Variants in CALN1 observed in about 807,000 individuals in gnomAD.
CALN1 encodes the protein calneuron 1, also known as calcium-binding protein 8.
In CALN1, 17 loss-of-function variants were observed where a neutral mutation model predicts 30.6. The observed-to-expected ratio is 0.56, with a 90% confidence interval of 0.38 to 0.83. The LOEUF is 0.83. Among genes scored for constraint, CALN1 ranks in the 40% least tolerant of loss-of-function variants. CALN1 has a pLI of 0.00. For missense variants in CALN1, 291 were observed against 354.9 expected (o/e 0.82, Z 1.45); for synonymous variants, 156 against 131.4 (o/e 1.19, Z -1.28).
At chr7:72,285,867 A>G (rs1317593572) in intron 2 of CALN1, among the ~76,000 whole-genome samples, 1 of 152,220 alleles carries the variant, frequency 6.6e-6, no homozygotes, top group Non-Finnish European at 1.5e-5. Flanking sequence ...CAGACTTGAC[A>G]GCAATCCGTG....
intron 1 of CALN1, among the ~76,000 whole-genome samples, chr7:72,410,304 T>G (rs1807034395): frequency 6.6e-6 from 1 of 152,234 alleles, no homozygotes; most frequent in Non-Finnish European, 1.5e-5. Flanking sequence ...AGGTGATTGT[T>G]GGCCATCATT....
At chr7:72,018,597 T>C (rs928978562) in intron 5 of CALN1, among the ~76,000 whole-genome samples, 33 of 152,244 alleles carry the variant, frequency 2.2e-4, no homozygotes, top group Admixed American at 1.7e-3. Context: ...CCGGGAGGAC[T>C]GGAGACCCTG....
intron 4 of CALN1, among the ~76,000 whole-genome samples, chr7:72,036,273 CTCTTTG>C (rs546540041): frequency 2.6e-5 from 4 of 152,280 alleles, no homozygotes; most frequent in African/African-American, 4.8e-5. Flanking sequence ...TACAAAGATT[CTCTTTG>C]TCTTTGTCTT....
chr7:72,256,994 A>C (rs539506677), intron 3 of CALN1, among the ~76,000 whole-genome samples: 166 of 152,172 alleles, frequency 1.1e-3, no homozygotes, highest in Non-Finnish European at 1.8e-3. Flanking sequence ...TGCTATAAAG[A>C]CACTACCCAA....
chr7:72,027,484 G>A (rs1161707558), intron 4 of CALN1, among the ~76,000 whole-genome samples: 1 of 152,074 alleles, frequency 6.6e-6, no homozygotes, highest in African/African-American at 2.4e-5. Flanking sequence ...GCCGAGGAGG[G>A]TGGATCACTT....
intron 5 of CALN1, among the ~76,000 whole-genome samples, chr7:72,021,941 G>A (rs1562983762): frequency 2.6e-5 from 4 of 152,058 alleles, no homozygotes; most frequent in African/African-American, 9.7e-5. Context: ...AGCAAGTTGG[G>A]AACTCTGGAA....
intron 2 of CALN1, among the ~76,000 whole-genome samples, chr7:72,296,442 C>T (rs1798864448): frequency 6.6e-6 from 1 of 150,864 alleles, no homozygotes; most frequent in South Asian, 2.1e-4. Context: ...GGAATGGTAC[C>T]AGTTCCTCCT....
chr7:72,040,667 C>A (rs577815892), intron 4 of CALN1, among the ~76,000 whole-genome samples: 3 of 152,214 alleles, frequency 2.0e-5, no homozygotes, highest in African/African-American at 7.2e-5. Flanking sequence ...TGCACACATG[C>A]GCAGAGAAAA....
chr7:72,368,367 G>C (rs529515795), intron 2 of CALN1, among the ~76,000 whole-genome samples: 134 of 151,856 alleles, frequency 8.8e-4, no homozygotes, highest in Non-Finnish European at 1.7e-3. Context: ...TACATGCACA[G>C]AAAGCACATA....
the CALN1 span, among the ~76,000 whole-genome samples, chr7:72,467,181 C>G: frequency 1.3e-5 from 2 of 152,180 alleles, no homozygotes; most frequent in African/African-American, 4.8e-5. Context: ...AATATGAGTC[C>G]CGAGAGCTCT....
intron 2 of CALN1, among the ~76,000 whole-genome samples, chr7:72,383,783 C>A (rs1452000855): frequency 1.3e-5 from 2 of 152,146 alleles, no homozygotes; most frequent in South Asian, 4.1e-4. Flanking sequence ...TTTTCCAATC[C>A]ATAGTGCAGC....
At chr7:72,074,085 C>T (rs1804575456) in intron 4 of CALN1, among the ~76,000 whole-genome samples, 1 of 151,998 alleles carries the variant, frequency 6.6e-6, no homozygotes, top group East Asian at 1.9e-4. Flanking sequence ...AGGTCTCTGC[C>T]CTGAAGAAAC....
At chr7:72,044,599 C>CTTTTTTTTTTTTTTTTT (rs549079139) in intron 4 of CALN1, among the ~76,000 whole-genome samples, 3 of 96,692 alleles carry the variant, frequency 3.1e-5, no homozygotes, top group African/African-American at 1.2e-4. Flanking sequence ...CCGCTTAAAA[C>CTTTTTTTTTTTTTTTTT]TTTTTTTTTT....
chr7:71,946,312 A>G (rs1584577488), intron 5 of CALN1, among the ~76,000 whole-genome samples: 2 of 152,062 alleles, frequency 1.3e-5, no homozygotes, highest in South Asian at 2.1e-4. Flanking sequence ...TGACAATAAT[A>G]ATGGTAGCCT....
chr7:71,847,757 A>AAAGAAGAAGAAGAAGAAAG (rs1790372097), intron 5 of CALN1, among the ~76,000 whole-genome samples: 1 of 125,104 alleles, frequency 8.0e-6, no homozygotes, highest in Non-Finnish European at 1.8e-5. Context: ...AAGAAAGAAG[A>AAAGAAGAAGAAGAAGAAAG]AAGAAGAAGA....
intron 4 of CALN1, among the ~76,000 whole-genome samples, chr7:72,042,372 C>A (rs1443692635): frequency 1.3e-5 from 2 of 152,186 alleles, no homozygotes; most frequent in Non-Finnish European, 2.9e-5. Context: ...GGGGCAAAAT[C>A]TAGAGGAAAC....
intron 6 of CALN1, among the ~76,000 whole-genome samples, chr7:71,800,962 C>T (rs1787263077): frequency 6.6e-6 from 1 of 152,094 alleles, no homozygotes; most frequent in Admixed American, 6.6e-5. Flanking sequence ...TGATGCTCTC[C>T]CTCCCATTGC....
chr7:72,131,810 C>T (rs370151424), intron 3 of CALN1, among the ~76,000 whole-genome samples: 1 of 152,180 alleles, frequency 6.6e-6, no homozygotes, highest in Non-Finnish European at 1.5e-5. Flanking sequence ...AGTTACGTTG[C>T]CTGGAACCAC....
At chr7:72,100,504 A>G (rs1201247129) in intron 4 of CALN1, among the ~76,000 whole-genome samples, 5 of 152,070 alleles carry the variant, frequency 3.3e-5, no homozygotes, top group Non-Finnish European at 5.9e-5. Flanking sequence ...TCTTATAGGA[A>G]TAACTCTCCC....
Sources: gnomAD v4.1 joint callset for allele counts (sites outside exome capture counted in the v4.1 genomes callset) on GRCh38, gnomAD v4.1.1 for gene constraint, MANE v1.5 for transcripts, NCBI Gene and HGNC (gene_info 2026-07-23, HGNC 2026-07-21) for gene names.